MALRD1: variants seen among roughly 807,000 people sequenced by gnomAD.
The protein encoded by MALRD1 is MAM and LDL receptor class A domain containing 1.
A neutral mutation model predicts 242.1 loss-of-function variants in MALRD1; 247 were observed. The ratio of observed to expected loss-of-function variants is 1.02; its 90% CI spans 0.92 to 1.13. MALRD1 has a LOEUF of 1.13. MALRD1 is among the 50% of genes most tolerant of loss of function. The pLI is 0.00. For missense variants in MALRD1, 2,989 were observed against 2,533.1 expected (o/e 1.18, Z -3.86); for synonymous variants, 995 against 866.6 (o/e 1.15, Z -2.60).
At chr10:19,143,372 C>T (rs952812575) in intron 10 of MALRD1, among the ~76,000 whole-genome samples, 3 of 152,142 alleles carry the variant, frequency 2.0e-5, no homozygotes, top group African/African-American at 7.2e-5. Context: ...GATCTCATTG[C>T]CATTTCACAC....
intron 2 of MALRD1, among the ~76,000 whole-genome samples, chr10:19,081,764 C>T (rs192042574): frequency 1.2e-3 from 188 of 152,090 alleles, no homozygotes; most frequent in African/African-American, 4.3e-3. Context: ...TACCCCAGAA[C>T]TTAAAATAAA....
chr10:19,666,750 C>T (rs1031958901), intron 36 of MALRD1, among the ~76,000 whole-genome samples: 1 of 152,130 alleles, frequency 6.6e-6, no homozygotes, highest in African/African-American at 2.4e-5. Flanking sequence ...TAGCTGGTAG[C>T]ATAAGCCTTC....
rs185425429 is a variant in MALRD1 at position 19,214,677 on chromosome 10, A to G, written c.2991+4997A>G. Among the ~76,000 whole-genome samples, 209 of 152,308 alleles carry G rather than the reference A, an allele frequency of 1.4e-3. 3 individuals are homozygous for G. Among genetic ancestry groups the G allele is most frequent in the Admixed American group, 9.2e-3 (141 of 15,298 alleles). ...TCTCTAAAGAACTGATGATCCTGGG[A>G]ACTTAACAATGTCAATGCAGTCTCT... On this transcript the variant is annotated intron_variant, in intron 18 of 39. Coordinates refer to ENST00000454679, the MANE Select transcript of MALRD1 (RefSeq NM_001142308.3).
At chr10:19,487,650 A>T (rs1281823488) in intron 29 of MALRD1, among the ~76,000 whole-genome samples, 2 of 152,100 alleles carry the variant, frequency 1.3e-5, no homozygotes, top group African/African-American at 2.4e-5. Context: ...TCAAATGCAT[A>T]GACTTGCATA....
At chr10:19,327,928 C>G (rs547351957) in intron 23 of MALRD1, among the ~76,000 whole-genome samples, 2 of 152,238 alleles carry the variant, frequency 1.3e-5, no homozygotes, top group South Asian at 4.1e-4. Context: ...CTCCTTCACT[C>G]CCCAGTCAGC....
chr10:19,386,165 A>G (rs1354943446), intron 26 of MALRD1, among the ~76,000 whole-genome samples: 2 of 151,962 alleles, frequency 1.3e-5, no homozygotes, highest in South Asian at 2.1e-4. Flanking sequence ...TTGACCATCT[A>G]TTGTCTAAAA....
intron 18 of MALRD1, among the ~76,000 whole-genome samples, chr10:19,239,258 C>A (rs776484399): frequency 5.9e-5 from 9 of 151,976 alleles, no homozygotes; most frequent in Non-Finnish European, 1.0e-4. Flanking sequence ...AATGATTTCA[C>A]CATATTGGTC....
intron 36 of MALRD1, among the ~76,000 whole-genome samples, chr10:19,621,166 A>C (rs1160220327): frequency 6.6e-6 from 1 of 151,666 alleles, no homozygotes; most frequent in Non-Finnish European, 1.5e-5. Context: ...CAGTTAGAAC[A>C]CTTCCCCTCC....
At chr10:19,270,336 T>TCACACACA (rs200537040) in intron 19 of MALRD1, among the ~76,000 whole-genome samples, 87 of 130,956 alleles carry the variant, frequency 6.6e-4, no homozygotes, top group African/African-American at 1.4e-3. Context: ...TCTCTCTCTC[T>TCACACACA]CACACACACA....
chr10:19,613,097 C>T (rs1838975719), intron 35 of MALRD1, among the ~76,000 whole-genome samples: 1 of 151,978 alleles, frequency 6.6e-6, no homozygotes, highest in African/African-American at 2.4e-5. Context: ...TAAATGTTTT[C>T]CCTGTCTCTG....
chr10:19,574,976 T>A (rs1836736480), intron 33 of MALRD1, among the ~76,000 whole-genome samples: 2 of 152,180 alleles, frequency 1.3e-5, no homozygotes, highest in Non-Finnish European at 1.5e-5. Flanking sequence ...TTGTTGAAAA[T>A]CTATGTGGTG....
At chr10:19,386,017 G>A (rs368717080) in intron 26 of MALRD1, among the ~76,000 whole-genome samples, 1 of 152,018 alleles carries the variant, frequency 6.6e-6, no homozygotes, top group East Asian at 1.9e-4. Flanking sequence ...ATAATACAAA[G>A]TCCACCTAAT....
rs1170384280 is a variant in MALRD1, at chr10:19,229,686, G to A, written c.2991+20006G>A. Among the ~76,000 whole-genome samples the A allele has an allele frequency of 2.6e-5, 4 of 152,044 alleles. No homozygotes were observed. In the East Asian group the frequency reaches 7.7e-4, roughly 29 times the overall value. On this transcript the variant is annotated intron_variant, in intron 18 of 39. Coordinates refer to ENST00000454679, the MANE Select transcript of MALRD1 (RefSeq NM_001142308.3). ...TCCTCCCATGATGAAAAACAAGACA[G>A]AAAACAAACTATAACAACAACAGGC...
chr10:19,164,969 A>G (rs1360587786), intron 12 of MALRD1, among the ~76,000 whole-genome samples: 1 of 152,078 alleles, frequency 6.6e-6, no homozygotes, highest in Non-Finnish European at 1.5e-5. Flanking sequence ...TACCACAGAG[A>G]CTAAATTGAT....
chr10:19,213,600 G>A (rs922936575), intron 18 of MALRD1, among the ~76,000 whole-genome samples: 4 of 152,144 alleles, frequency 2.6e-5, no homozygotes, highest in Non-Finnish European at 4.4e-5. Context: ...GCATTTTAAT[G>A]TTCTTAACTG....
chr10:19,389,237 C>G (rs2130812958), intron 27 of MALRD1: 1 of 661,886 alleles, frequency 1.5e-6, no homozygotes, highest in African/African-American at 1.8e-5. Context: ...AATCTGCATA[C>G]TGTGAAGCAC....
At chr10:19,222,083 T>TCCTC (rs1445657572) in intron 18 of MALRD1, among the ~76,000 whole-genome samples, 2 of 151,944 alleles carry the variant, frequency 1.3e-5, no homozygotes, top group African/African-American at 4.8e-5. Context: ...CTTCCTTTAT[T>TCCTC]CCTCCCTCCC....
chr10:19,466,232 T>C (rs1001465888), intron 29 of MALRD1, among the ~76,000 whole-genome samples: 1 of 152,164 alleles, frequency 6.6e-6, no homozygotes, highest in African/African-American at 2.4e-5. Context: ...ATTAACCTTT[T>C]TTATAAGATA....
chr10:19,238,653 T>C (rs1371616678), intron 18 of MALRD1, among the ~76,000 whole-genome samples: 2 of 125,366 alleles, frequency 1.6e-5, no homozygotes, highest in East Asian at 4.4e-4. Context: ...TTAGAAATAG[T>C]GCTACAGTAA....
Sources: gnomAD v4.1 joint callset for allele counts (sites outside exome capture counted in the v4.1 genomes callset) on GRCh38, gnomAD v4.1.1 for gene constraint, MANE v1.5 for transcripts, NCBI Gene and HGNC (gene_info 2026-07-23, HGNC 2026-07-21) for gene names.